Variants in TMCC1 observed in about 807,000 individuals in gnomAD.
TMCC1 encodes the protein transmembrane and coiled-coil domain family 1.
Under a neutral mutation model 52.4 loss-of-function variants are expected in TMCC1, and 15 were observed. That is an observed-to-expected ratio of 0.29 (90% CI 0.19 to 0.44). The LOEUF is 0.44. Among genes scored for constraint, TMCC1 ranks in the 20% least tolerant of loss-of-function variants. The pLI, the probability that TMCC1 is intolerant of heterozygous loss-of-function variation, is 1.00. For missense variants in TMCC1, 503 were observed against 806.0 expected (o/e 0.62, Z 4.55); for synonymous variants, 279 against 301.9 (o/e 0.92, Z 0.79).
chr3:129,654,886 C>A, intron 6 of TMCC1, 82 bp downstream of exon 6: 6 of 1,546,578 alleles, frequency 3.9e-6, no homozygotes, highest in Non-Finnish European at 5.2e-6. Flanking sequence ...TCTACCTTCT[C>A]ATCTTTTTTC....
chr3:129,775,242 C>T (rs2054937695), intron 4 of TMCC1, among the ~76,000 whole-genome samples: 3 of 152,008 alleles, frequency 2.0e-5, no homozygotes, highest in South Asian at 2.1e-4. Flanking sequence ...CCCGCAAGTT[C>T]GAGACCTGCC....
At chr3:129,804,720 G>C (rs1165255525) in intron 4 of TMCC1, among the ~76,000 whole-genome samples, 1 of 152,116 alleles carries the variant, frequency 6.6e-6, no homozygotes, top group Non-Finnish European at 1.5e-5. Flanking sequence ...TCACATCAAT[G>C]AATTTACAGC....
chr3:129,688,487 A>T (rs2089570132), intron 4 of TMCC1: 4 of 985,584 alleles, frequency 4.1e-6, no homozygotes, highest in Non-Finnish European at 4.8e-6. Context: ...TCACAGTCTC[A>T]GAGAAGTGAC....
At chr3:129,739,910 G>C (rs1010198132) in intron 4 of TMCC1, among the ~76,000 whole-genome samples, 1 of 152,234 alleles carries the variant, frequency 6.6e-6, no homozygotes, top group Non-Finnish European at 1.5e-5. Flanking sequence ...GGGTAAACTA[G>C]ATTTAAGATT....
chr3:129,805,775 A>C (rs2057426702), intron 4 of TMCC1, among the ~76,000 whole-genome samples: 1 of 151,948 alleles, frequency 6.6e-6, no homozygotes, highest in African/African-American at 2.4e-5. Flanking sequence ...TCTACAAAAA[A>C]ACAATAAAAA....
chr3:129,694,304 C>T (rs933751729), intron 4 of TMCC1, among the ~76,000 whole-genome samples: 8 of 152,210 alleles, frequency 5.3e-5, no homozygotes, highest in Non-Finnish European at 1.0e-4. Context: ...CTGTATGGCT[C>T]TGGATTTGCA....
chr3:129,863,777 G>A (rs562769758), intron 2 of TMCC1, among the ~76,000 whole-genome samples: 3 of 152,084 alleles, frequency 2.0e-5, no homozygotes, highest in East Asian at 1.9e-4. Context: ...CAGGAGAATC[G>A]CTTGAACCCG....
intron 4 of TMCC1, among the ~76,000 whole-genome samples, chr3:129,794,795 G>A (rs1270928061): frequency 1.3e-5 from 2 of 152,120 alleles, no homozygotes; most frequent in Non-Finnish European, 2.9e-5. Flanking sequence ...CTCCAAGTAG[G>A]AGACAGGCAA....
chr3:129,669,196 G>A (rs979915065), intron 5 of TMCC1, among the ~76,000 whole-genome samples: 2 of 152,062 alleles, frequency 1.3e-5, no homozygotes, highest in Non-Finnish European at 2.9e-5. Context: ...CCTTATAAAA[G>A]CAAACTTTTA....
chr3:129,704,290 G>A (rs1219137024), intron 4 of TMCC1, among the ~76,000 whole-genome samples: 1 of 152,182 alleles, frequency 6.6e-6, no homozygotes, highest in African/African-American at 2.4e-5. Context: ...CAAAGAAAAG[G>A]ATCTTCCAGA....
intron 2 of TMCC1, among the ~76,000 whole-genome samples, chr3:129,850,898 C>A (rs978890704): frequency 2.0e-5 from 3 of 152,238 alleles, no homozygotes; most frequent in African/African-American, 7.2e-5. Flanking sequence ...CCTTAAGACA[C>A]AGATCGCTCA....
At chr3:129,714,757 T>C (rs2048943501) in intron 4 of TMCC1, among the ~76,000 whole-genome samples, 1 of 152,198 alleles carries the variant, frequency 6.6e-6, no homozygotes, top group Non-Finnish European at 1.5e-5. Context: ...TTAGAAATGA[T>C]TCCCTATAAA....
At chr3:129,705,730 C>T (rs1485388485) in intron 4 of TMCC1, among the ~76,000 whole-genome samples, 1 of 150,270 alleles carries the variant, frequency 6.7e-6, no homozygotes, top group African/African-American at 2.5e-5. Flanking sequence ...GTAGCTGGGA[C>T]TACAGGCGCC....
chr3:129,829,193 A>G (rs2058792397), intron 3 of TMCC1, among the ~76,000 whole-genome samples: 1 of 152,208 alleles, frequency 6.6e-6, no homozygotes, highest in Non-Finnish European at 1.5e-5. Context: ...TCAGAATCAG[A>G]GACTAGAGCT....
intron 4 of TMCC1, among the ~76,000 whole-genome samples, chr3:129,715,013 T>C (rs531101799): frequency 2.0e-5 from 3 of 152,310 alleles, no homozygotes; most frequent in Admixed American, 2.0e-4. Context: ...AAATCAGAGA[T>C]AGGGTCCTAA....
intron 4 of TMCC1, among the ~76,000 whole-genome samples, chr3:129,712,480 G>T (rs2048772565): frequency 6.6e-6 from 1 of 152,108 alleles, no homozygotes; most frequent in Admixed American, 6.5e-5. Flanking sequence ...CAGGGTCTTG[G>T]TTTGTTGCCC....
chr3:129,755,779 T>C (rs901147594), intron 4 of TMCC1, among the ~76,000 whole-genome samples: 1 of 152,074 alleles, frequency 6.6e-6, no homozygotes, highest in African/African-American at 2.4e-5. Context: ...TTGTTACTAG[T>C]GGGAATACAA....
intron 2 of TMCC1, among the ~76,000 whole-genome samples, chr3:129,839,149 T>C (rs1485423620): frequency 6.6e-6 from 1 of 152,120 alleles, no homozygotes; most frequent in Non-Finnish European, 1.5e-5. Context: ...TAAATGAAGG[T>C]AAAGTATAAT....
At chr3:129,738,273 CAA>C (rs575044593) in intron 4 of TMCC1, among the ~76,000 whole-genome samples, 6 of 118,600 alleles carry the variant, frequency 5.1e-5, no homozygotes, top group African/African-American at 1.3e-4. Flanking sequence ...TCCGCCTAAA[CAA>C]AAAAAAAAAA....
Sources: gnomAD v4.1 joint callset for allele counts (sites outside exome capture counted in the v4.1 genomes callset) on GRCh38, gnomAD v4.1.1 for gene constraint, MANE v1.5 for transcripts, NCBI Gene and HGNC (gene_info 2026-07-23, HGNC 2026-07-21) for gene names.